MEGF10: variants seen among roughly 807,000 people sequenced by gnomAD.
The protein encoded by MEGF10 is multiple EGF like domains 10, also known as multiple epidermal growth factor-like domains protein 10.
In MEGF10, 86 loss-of-function variants were observed where a neutral mutation model predicts 147.5. The ratio of observed to expected loss-of-function variants is 0.58; its 90% confidence interval spans 0.49 to 0.70. MEGF10 has a LOEUF of 0.70. Ranked by LOEUF, MEGF10 falls within the 30% of genes least tolerant of loss-of-function variation. MEGF10 has a pLI of 0.00. For synonymous variants in MEGF10, 478 were observed against 525.5 expected, an observed-to-expected ratio of 0.91 and a Z score of 1.24; for missense variants, 1,329 against 1,487.3, an observed-to-expected ratio of 0.89 and a Z score of 1.75.
rs147731088 is a variant in MEGF10, at chr5:127,438,478, C to T, written c.2144C>T (p.Thr715Met). Residue 715 changes from threonine (T) to methionine (M), a missense_variant, in exon 17 of 25, where the codon ACG becomes ATG. Transcript: ENST00000503335. ...PAHWGPNCIH[T>M]CNCHNGAFCS... Reference sequence around the variant, plus strand: ...CACTGGGGCCCAAACTGCATCCACACGTGCAACTGCCATAATGGAGCTTTC... The same window carrying T: ...CACTGGGGCCCAAACTGCATCCACATGTGCAACTGCCATAATGGAGCTTTC... The T allele has an allele frequency of 7.4e-6, 12 of 1,614,026 alleles. No individual in the cohort carries two copies. The highest frequency in any genetic ancestry group is 8.5e-6 in the Non-Finnish European group (10 of 1,180,020).
chr5:127,254,895 A>G, the MEGF10 span, among the ~76,000 whole-genome samples: 2 of 151,698 alleles, frequency 1.3e-5, no homozygotes, highest in African/African-American at 4.8e-5. Context: ...AGATAAAACC[A>G]ACTCACTGAG....
the MEGF10 span, among the ~76,000 whole-genome samples, chr5:127,277,377 A>C: frequency 6.6e-6 from 1 of 152,158 alleles, no homozygotes; most frequent in Non-Finnish European, 1.5e-5. Context: ...GCCTATTGTA[A>C]CTGTATCACA....
intron 8 of MEGF10, among the ~76,000 whole-genome samples, chr5:127,405,270 T>C (rs1764279614): frequency 6.6e-6 from 1 of 152,160 alleles, no homozygotes; most frequent in South Asian, 2.1e-4. Flanking sequence ...TTTTTCTCTT[T>C]CTAAATCTTG....
rs762636054 is a variant in MEGF10 at position 127,420,179 on chromosome 5, G to T, written c.1562G>T (p.Arg521Leu). The change falls in exon 12 of 25, where the codon CGC (arginine) becomes CTC (leucine). Residue 521 changes from arginine (R) to leucine (L), a missense_variant. Arg to Leu is a moderately radical substitution (Grantham distance 102). Coordinates refer to ENST00000503335, the MANE Select transcript of MEGF10 (RefSeq NM_001256545.2). ...DGTCTCAPGWRGEKCELPCQD... is the reference protein window; with the variant it reads ...DGTCTCAPGWLGEKCELPCQD... ...ACCTGCACGTGTGCACCTGGATGGC[G>T]CGGGGAGAAATGCGAACTTCCCTGC... 1.2e-6 allele frequency: 2 copies of T among 1,614,034 alleles called. No homozygotes were observed. The highest frequency in any genetic ancestry group is 2.2e-5 in the South Asian group (2 of 91,080).
chr5:127,290,758 C>G (rs933367167), upstream of MEGF10: 1 of 152,512 alleles, frequency 6.6e-6, no homozygotes, highest in Non-Finnish European at 1.5e-5. Context: ...GGCCCCGGCT[C>G]GGGTTACCCG....
chr5:127,429,014 G>A (rs149730971), intron 13 of MEGF10, among the ~76,000 whole-genome samples: 76 of 152,264 alleles, frequency 5.0e-4, no homozygotes, highest in Admixed American at 1.7e-3. Context: ...GTTCTCAGTC[G>A]TGGCAAAAAC....
At chr5:127,232,852 G>A in the MEGF10 span, among the ~76,000 whole-genome samples, 1 of 152,014 alleles carries the variant, frequency 6.6e-6, no homozygotes, top group African/African-American at 2.4e-5. Context: ...GATTCAAGCA[G>A]AGGAAGAAAA....
In MEGF10 at chr5:127,458,162, T is replaced by C. The variant is rs1766433582; in HGVS notation, c.*844T>C. ...CATAAATATAGAAATGAAATAATTTTATTTTTGACAGACTGGATGGAATGA... is the reference window on the plus strand; with the variant it reads ...CATAAATATAGAAATGAAATAATTTCATTTTTGACAGACTGGATGGAATGA... On this transcript the variant is annotated 3_prime_UTR_variant, in exon 25 of 25. Transcript: ENST00000503335. 6.6e-6 allele frequency: 1 copy of C among 152,224 alleles called. No homozygotes were observed. The highest frequency in any genetic ancestry group is 2.4e-5 in the African/African-American group (1 of 41,456). 9.4% of individuals were successfully genotyped at this position (152,224 alleles called of 1,614,324 possible). A position where few individuals can be genotyped will look rare whatever the true frequency, so the allele number is the denominator to read the frequency against.
intron 18 of MEGF10, among the ~76,000 whole-genome samples, chr5:127,441,330 T>C (rs545133075): frequency 2.2e-4 from 34 of 152,332 alleles, no homozygotes; most frequent in African/African-American, 7.5e-4. Context: ...TGCCACCCTT[T>C]CAACAACCTT....
chr5:127,311,866 T>G (rs1227759618), intron 1 of MEGF10, among the ~76,000 whole-genome samples: 1 of 152,202 alleles, frequency 6.6e-6, no homozygotes, highest in Admixed American at 6.5e-5. Flanking sequence ...TCTCGTTTGG[T>G]GATGGTCTTC....
intron 8 of MEGF10, among the ~76,000 whole-genome samples, chr5:127,408,328 A>G (rs1764413564): frequency 6.6e-6 from 1 of 152,238 alleles, no homozygotes; most frequent in Non-Finnish European, 1.5e-5. Context: ...GATATTATTT[A>G]TCTTTACCTT....
At chr5:127,444,957 T>C (rs543237145) in intron 19 of MEGF10, among the ~76,000 whole-genome samples, 9 of 152,334 alleles carry the variant, frequency 5.9e-5, no homozygotes, top group Admixed American at 1.3e-4. Context: ...AAGCTCAGTA[T>C]TGAATAATAA....
intron 2 of MEGF10, among the ~76,000 whole-genome samples, chr5:127,337,309 C>G (rs1354896057): frequency 6.6e-6 from 1 of 151,982 alleles, no homozygotes; most frequent in East Asian, 1.9e-4. Context: ...ATCTCTGATG[C>G]CATTTGGTTA....
chr5:127,382,788 G>T (rs1366200234), intron 5 of MEGF10, among the ~76,000 whole-genome samples: 1 of 152,148 alleles, frequency 6.6e-6, no homozygotes, highest in Non-Finnish European at 1.5e-5. Flanking sequence ...ATAGGCAAAG[G>T]GTAGGATAAG....
chr5:127,359,392 A>G (rs1348748666), intron 4 of MEGF10, among the ~76,000 whole-genome samples: 1 of 151,978 alleles, frequency 6.6e-6, no homozygotes, highest in Non-Finnish European at 1.5e-5. Context: ...TAAAATTGAC[A>G]TACAATAAGC....
the MEGF10 span, among the ~76,000 whole-genome samples, chr5:127,252,233 C>CT: frequency 4.3e-4 from 64 of 147,284 alleles, no homozygotes; most frequent in East Asian, 2.2e-3. Context: ...TTAAAACTGC[C>CT]TTTTTTTTTT....
At chr5:127,290,094 C>T (rs934854692), upstream of MEGF10, among the ~76,000 whole-genome samples, 2 of 152,164 alleles carry the variant, frequency 1.3e-5, no homozygotes, top group Non-Finnish European at 2.9e-5. Flanking sequence ...CCGGGGCCTC[C>T]TCGGCGAGTC....
chr5:127,292,437 A>G (rs1331614625), intron 1 of MEGF10, among the ~76,000 whole-genome samples: 2 of 152,232 alleles, frequency 1.3e-5, no homozygotes, highest in African/African-American at 4.8e-5. Flanking sequence ...TATAGCTAGC[A>G]TTAACTATTG....
At chr5:127,442,383 A>G (rs1765785323) in intron 18 of MEGF10, among the ~76,000 whole-genome samples, 1 of 152,206 alleles carries the variant, frequency 6.6e-6, no homozygotes, top group Admixed American at 6.5e-5. Flanking sequence ...ATTCATGCCT[A>G]ACTCTTATTA....
Sources: gnomAD v4.1 joint callset for allele counts (sites outside exome capture counted in the v4.1 genomes callset) on GRCh38, gnomAD v4.1.1 for gene constraint, MANE v1.5 for transcripts, NCBI Gene and HGNC (gene_info 2026-07-23, HGNC 2026-07-21) for gene names.